The following IPO11 variants were observed in gnomAD, a reference collection of about 807,000 sequenced individuals.
IPO11 encodes importin 11.
IPO11 carries 66 observed loss-of-function variants against 143.2 expected under a neutral mutation model. The ratio of observed to expected loss-of-function variants is 0.46; its 90% CI spans 0.38 to 0.57. The LOEUF (loss-of-function observed/expected upper bound fraction) is 0.57, where lower values mean the gene tolerates loss of function less well. IPO11 is among the 20% of genes least tolerant of loss of function. The probability of loss-of-function intolerance (pLI) is 0.00; values close to 1 mark genes in which losing one functional copy is unlikely to be tolerated. For missense variants in IPO11, 1,026 were observed against 1,141.0 expected (o/e 0.90, Z 1.45); for synonymous variants, 385 against 377.8 (o/e 1.02, Z -0.22).
intron 19 of IPO11, among the ~76,000 whole-genome samples, chr5:62,511,170 C>A (rs191267536): frequency 6.6e-5 from 10 of 152,124 alleles, no homozygotes; most frequent in African/African-American, 2.4e-4. Flanking sequence ...GGTTTTATTA[C>A]CCTATTTGTA....
chr5:62,550,252 A>T lies in IPO11; in HGVS notation c.2251-115A>T. 4 of 679,752 alleles carry T rather than the reference A, an allele frequency of 5.9e-6. 1 individual carries two copies. The highest frequency in any genetic ancestry group is 1.1e-5 in the Non-Finnish European group (4 of 380,266). 42.1% of individuals were successfully genotyped at this position (679,752 alleles called of 1,614,324 possible). A position where few individuals can be genotyped will look rare whatever the true frequency, so the allele number is the denominator to read the frequency against. On this transcript the variant is annotated intron_variant, in intron 24 of 29. Transcript: ENST00000325324. Reference sequence around the variant, plus strand: ...AATATTGCATACCCTGCATACGTGTATGCATTCTTAAATTTGGTCTGTGAT... The same window carrying T: ...AATATTGCATACCCTGCATACGTGTTTGCATTCTTAAATTTGGTCTGTGAT...
chr5:62,519,129 G>T (rs1017958369), intron 20 of IPO11, among the ~76,000 whole-genome samples: 2 of 152,174 alleles, frequency 1.3e-5, no homozygotes, highest in Non-Finnish European at 2.9e-5. Context: ...AATAAAACAA[G>T]AAGTGTTATT....
At chr5:62,426,030 C>T (rs1199869915) in intron 1 of IPO11, among the ~76,000 whole-genome samples, 2 of 152,118 alleles carry the variant, frequency 1.3e-5, no homozygotes, top group African/African-American at 4.8e-5. Flanking sequence ...TCAGAGTCCC[C>T]TGGGTGAGGA....
Position 62,485,492 on chromosome 5 carries a change from G to A in IPO11, c.1218+30G>A, listed in dbSNP as rs1187522824. 6 of 1,526,432 alleles carry A rather than the reference G, an allele frequency of 3.9e-6. No homozygotes were observed. In the Admixed American group the frequency reaches 1.0e-4, roughly 26 times the overall value. The allele number at this position is 1,526,432 out of a possible 1,614,324, so 94.6% of individuals were successfully genotyped here. ...GTATTAATTGCAAGAAAAATTGATA[G>A]GGGAAAGCTTAATCTTTCTAAAGCT... On this transcript the variant is annotated intron_variant, in intron 12 of 29. Coordinates refer to ENST00000325324, the MANE Select transcript of IPO11 (RefSeq NM_016338.5).
chr5:62,568,593 A>AAAAAAAAATTC (rs1199624803), intron 27 of IPO11, among the ~76,000 whole-genome samples: 35 of 150,954 alleles, frequency 2.3e-4, no homozygotes, highest in African/African-American at 8.3e-4. Flanking sequence ...AAAAAAAAAA[A>AAAAAAAAATTC]AAAATTCAAT....
At chr5:62,503,422 TTAA>T (rs1041842606) in intron 16 of IPO11, among the ~76,000 whole-genome samples, 2 of 148,968 alleles carry the variant, frequency 1.3e-5, no homozygotes, top group African/African-American at 4.9e-5. Context: ...TATTAATATA[TTAA>T]TAGTATCTAT....
intron 1 of IPO11, among the ~76,000 whole-genome samples, chr5:62,435,228 C>T (rs540708478): frequency 3.5e-5 from 4 of 115,560 alleles, no homozygotes; most frequent in African/African-American, 1.4e-4. Context: ...ATATATATAT[C>T]AGAGCAGCTG....
chr5:62,437,315 G>A lies in IPO11; in HGVS notation c.36G>A (p.Gln12=), dbSNP rs770191678. 3 of 1,611,392 alleles carry A rather than the reference G, an allele frequency of 1.9e-6. No homozygotes were observed. The East Asian group carries it at 6.7e-5, about 36-fold the overall frequency. Residue 12 remains glutamine, a synonymous_variant, in exon 2 of 30, where the codon CAG becomes CAA. Coordinates refer to ENST00000325324, the MANE Select transcript of IPO11 (RefSeq NM_016338.5). ...ATAGTGCCAGCACTGTTGTTCTTCA[G>A]GTGTTAACACAGGCCACCAGTCAGG... ...DLNSASTVVL[Q]VLTQATSQDT... is the part of the protein sequence containing the mutation.
chr5:62,433,684 G>C (rs1426830500), intron 1 of IPO11, among the ~76,000 whole-genome samples: 1 of 152,198 alleles, frequency 6.6e-6, no homozygotes, highest in Non-Finnish European at 1.5e-5. Context: ...AGCAAGGGGA[G>C]GACCTGGATG....
At chr5:62,594,092 G>C (rs748187851) in intron 28 of IPO11, among the ~76,000 whole-genome samples, 2 of 152,144 alleles carry the variant, frequency 1.3e-5, no homozygotes, top group African/African-American at 2.4e-5. Context: ...TCTTAACTGA[G>C]TGAATTGGAA....
Position 62,537,265 on chromosome 5 carries a change from A to C in IPO11, c.2226A>C (p.Thr742=), listed in dbSNP as rs202245863. Residue 742 remains threonine, a synonymous_variant, in exon 24 of 30, where the codon ACA becomes ACC. Transcript: ENST00000325324. ...SFCELLKEIT[T]EGQVQVLKVV... is the part of the protein sequence containing the mutation. ...GTGAACTTTTAAAGGAAATTACTAC[A>C]GAAGGTCAAGTTCAGGTGCTCAAGG... The C allele has an allele frequency of 6.2e-7, 1 of 1,603,040 alleles. No homozygotes were observed. The highest frequency in any genetic ancestry group is 1.7e-5 in the Admixed American group (1 of 59,958).
intron 16 of IPO11, among the ~76,000 whole-genome samples, chr5:62,502,355 T>G (rs575310633): frequency 1.7e-4 from 26 of 152,254 alleles, no homozygotes; most frequent in Non-Finnish European, 3.4e-4. Flanking sequence ...AGTTTTGATG[T>G]TGTCCCCCCA....
intron 1 of IPO11, among the ~76,000 whole-genome samples, chr5:62,421,465 A>G (rs1055606760): frequency 8.5e-5 from 13 of 152,160 alleles, no homozygotes; most frequent in African/African-American, 2.4e-5. Context: ...TTCACTTGAG[A>G]TATTAATGGA....
At chr5:62,534,842 T>C (rs57376490) in intron 22 of IPO11, among the ~76,000 whole-genome samples, 359 of 152,192 alleles carry the variant, frequency 2.4e-3, no homozygotes, top group African/African-American at 8.0e-3. Flanking sequence ...AGACATAAAT[T>C]ACTCAGTATC....
chr5:62,418,932 T>C, intron 1 of IPO11: 4 of 1,473,520 alleles, frequency 2.7e-6, no homozygotes, highest in Non-Finnish European at 3.6e-6. Flanking sequence ...CAGTCACGAG[T>C]TGCTTAAGGC....
intron 16 of IPO11, among the ~76,000 whole-genome samples, chr5:62,499,952 C>T (rs1741292363): frequency 1.3e-5 from 2 of 152,108 alleles, no homozygotes; most frequent in Admixed American, 6.6e-5. Context: ...TCTTCTGGGG[C>T]GTTAACACAC....
intron 1 of IPO11, among the ~76,000 whole-genome samples, chr5:62,426,031 TG>T (rs1435235206): frequency 6.6e-6 from 1 of 152,180 alleles, no homozygotes; most frequent in African/African-American, 2.4e-5. Flanking sequence ...CAGAGTCCCC[TG>T]GGTGAGGAGA....
chr5:62,569,962 T>A (rs1354971541), intron 27 of IPO11, among the ~76,000 whole-genome samples: 3 of 152,222 alleles, frequency 2.0e-5, no homozygotes, highest in African/African-American at 7.2e-5. Context: ...CAGCTTTTAT[T>A]TTTATTTTTT....
intron 27 of IPO11, among the ~76,000 whole-genome samples, chr5:62,586,231 A>G (rs558000450): frequency 6.6e-6 from 1 of 152,316 alleles, no homozygotes; most frequent in Non-Finnish European, 1.5e-5. Flanking sequence ...TTAATTACAC[A>G]TATGTATTTT....
Sources: allele counts gnomAD v4.1 joint callset (sites outside exome capture counted in the v4.1 genomes callset), GRCh38; gene constraint gnomAD v4.1.1; transcripts MANE v1.5; gene names NCBI Gene and HGNC (gene_info 2026-07-23, HGNC 2026-07-21).